ZNF727: variants seen among roughly 807,000 people sequenced by gnomAD.
ZNF727 encodes zinc finger protein 727.
Under a neutral mutation model 11.5 loss-of-function variants are expected in ZNF727, and 11 were observed. That is an observed-to-expected ratio of 0.95 (90% confidence interval 0.60 to 1.58). ZNF727 has a LOEUF of 1.58. Among genes scored for constraint, ZNF727 ranks in the 40% most tolerant of loss-of-function variants. The probability of loss-of-function intolerance (pLI) is 0.00; values close to 1 mark genes in which losing one functional copy is unlikely to be tolerated. For synonymous variants in ZNF727, 171 were observed against 196.1 expected, an observed-to-expected ratio of 0.87 and a Z score of 1.07; for missense variants, 533 against 581.7, an observed-to-expected ratio of 0.92 and a Z score of 0.86.
chr7:64,061,506 T>C (rs999492949), intron 1 of ZNF727, among the ~76,000 whole-genome samples: 3 of 151,956 alleles, frequency 2.0e-5, no homozygotes, highest in African/African-American at 4.8e-5. Flanking sequence ...GCTCTTTTTT[T>C]TGTTTCCATT....
At chr7:64,069,163 T>C (rs1212954625) in intron 2 of ZNF727, 146 bp downstream of exon 2, 8 of 855,338 alleles carry the variant, frequency 9.4e-6, no homozygotes, top group Non-Finnish European at 1.4e-5. Flanking sequence ...GTAGTAAATA[T>C]AATCTTTAAG....
intron 1 of ZNF727, among the ~76,000 whole-genome samples, chr7:64,067,436 A>G (rs1455807503): frequency 6.6e-6 from 1 of 152,206 alleles, no homozygotes; most frequent in Admixed American, 6.5e-5. Context: ...GCACATGCAC[A>G]TGTATGTTTA....
rs145155793 is a variant in ZNF727, at chr7:64,058,466, A to C, written c.4-10425A>C. ...GCTCCTAGAGTTTTCAGCCAAATAC[A>C]AGGGCCTAGAGGACTTTAGACTTAT... On this transcript the variant is annotated intron_variant, in intron 1 of 3. Transcript: ENST00000456806. Among the ~76,000 whole-genome samples, 663 of 152,242 alleles carry C rather than the reference A, an allele frequency of 4.4e-3. 4 individuals carry two copies. Among genetic ancestry groups the C allele is most frequent in the African/African-American group, 0.015 (630 of 41,528 alleles).
At chr7:64,075,824 G>A (rs559829601) in intron 3 of ZNF727, among the ~76,000 whole-genome samples, 12 of 152,148 alleles carry the variant, frequency 7.9e-5, no homozygotes, top group South Asian at 4.2e-4. Context: ...CCAAAACTTT[G>A]CAGTACATAA....
rs1355599397 is a variant in ZNF727, at chr7:64,079,803, T to C, written c.*1254T>C. Among the ~76,000 whole-genome samples, 1 of 152,188 alleles carries C rather than the reference T, an allele frequency of 6.6e-6. No homozygotes were observed. Among genetic ancestry groups the C allele is most frequent in the Non-Finnish European group, 1.5e-5 (1 of 68,032 alleles). Reference sequence around the variant, plus strand: ...GTTTTTGTAGTGACTGTTTATAGTCTTTTTCTTATTTAGGGCTTTCTTCAG... The same window carrying C: ...GTTTTTGTAGTGACTGTTTATAGTCCTTTTCTTATTTAGGGCTTTCTTCAG... On this transcript the variant is annotated 3_prime_UTR_variant, in exon 4 of 4. Coordinates refer to ENST00000456806, the MANE Select transcript of ZNF727 (RefSeq NM_001159522.3).
At position 64,077,726 on chromosome 7, in the gene ZNF727, A is replaced by C; in HGVS notation, c.677A>C (p.Lys226Thr). ...TEHNRVHTGK[K>T]PYKCEECGKT... ...CATAATAGAGTTCATACTGGAAAGA[A>C]ACCCTACAAATGTGAAGAATGTGGC... Residue 226 changes from lysine (K) to threonine (T), a missense_variant, in exon 4 of 4, where the codon AAA (lysine) becomes ACA (threonine). Physicochemically the swap from Lys to Thr is moderately conservative, Grantham distance 78 (BLOSUM62 -1). Transcript: ENST00000456806. 1.3e-6 allele frequency: 2 copies of C among 1,582,262 alleles called. No homozygotes were observed. The highest frequency in any genetic ancestry group is 1.7e-6 in the Non-Finnish European group (2 of 1,163,620).
At position 64,058,796 on chromosome 7, in the gene ZNF727, C is replaced by T. The variant is rs558777497; in HGVS notation, c.4-10095C>T. ...GCAGCAGTAACAAGGCAGCTGTAAC[C>T]TTTGTTTTTCTGTTTATGGATTATA... On this transcript the variant is annotated intron_variant, in intron 1 of 3. Coordinates refer to ENST00000456806, the MANE Select transcript of ZNF727 (RefSeq NM_001159522.3). Among the ~76,000 whole-genome samples, 14 of 152,276 alleles carry T rather than the reference C, an allele frequency of 9.2e-5. No individual in the cohort carries two copies. The South Asian group carries it at 2.7e-3, about 29-fold the overall frequency.
intron 3 of ZNF727, among the ~76,000 whole-genome samples, chr7:64,073,733 A>T (rs1365099884): frequency 6.6e-6 from 1 of 152,082 alleles, no homozygotes; most frequent in Non-Finnish European, 1.5e-5. Context: ...ACATGTTCTC[A>T]GTTGTCTTTG....
rs190192011 is a variant in ZNF727, at chr7:64,082,868, G to A, written c.*4319G>A. The stretch of plus-strand genomic sequence containing the variant: ...CTGCACTCCAGCCTGGTGAGAGAGC[G>A]AGACTCCGTCTCAAAAAAAAAAAAG... On this transcript the variant is annotated 3_prime_UTR_variant, in exon 4 of 4. Coordinates refer to ENST00000456806, the MANE Select transcript of ZNF727 (RefSeq NM_001159522.3). 9.8e-4 allele frequency among the ~76,000 whole-genome samples: 134 copies of A among 136,758 alleles called. No individual in the cohort carries two copies. The highest frequency in any genetic ancestry group is 3.2e-3 in the African/African-American group (119 of 37,274). The allele number at this position is 136,758 out of a possible 152,430, so 89.7% of individuals were successfully genotyped here. A position where few individuals can be genotyped will look rare whatever the true frequency, so the allele number is the denominator to read the frequency against.
chr7:64,081,920 A>G lies in ZNF727; in HGVS notation c.*3371A>G, dbSNP rs1785799802. Among the ~76,000 whole-genome samples, 1 of 151,970 alleles carries G rather than the reference A, an allele frequency of 6.6e-6. No individual in the cohort carries two copies. The highest frequency in any genetic ancestry group is 1.5e-5 in the Non-Finnish European group (1 of 67,992). ...TCTTTGCCTGTCTTCTGGTTGCTGC[A>G]TCTCAGAGACGTGTAGGCCAGCAAT... On this transcript the variant is annotated 3_prime_UTR_variant, in exon 4 of 4. Coordinates refer to ENST00000456806, the MANE Select transcript of ZNF727 (RefSeq NM_001159522.3).
chr7:64,049,026 CAG>C (rs1243118854), intron 1 of ZNF727, among the ~76,000 whole-genome samples: 2 of 152,048 alleles, frequency 1.3e-5, no homozygotes, highest in East Asian at 3.9e-4. Context: ...TTTAGTGGCA[CAG>C]GTATTGGCCA....
At chr7:64,047,686 C>T (rs1157005114) in intron 1 of ZNF727, among the ~76,000 whole-genome samples, 1 of 152,088 alleles carries the variant, frequency 6.6e-6, no homozygotes, top group African/African-American at 2.4e-5. Context: ...TGGATGCCCT[C>T]GTGCTGAGAG....
At chr7:64,052,221 G>C (rs182744089) in intron 1 of ZNF727, among the ~76,000 whole-genome samples, 21 of 152,236 alleles carry the variant, frequency 1.4e-4, no homozygotes, top group Non-Finnish European at 2.5e-4. Context: ...TTACCTTCCA[G>C]CTTAGCTAAA....
intron 1 of ZNF727, among the ~76,000 whole-genome samples, chr7:64,055,382 C>T (rs1789667025): frequency 6.6e-6 from 1 of 151,450 alleles, no homozygotes; most frequent in South Asian, 2.1e-4. Context: ...CACACCACTG[C>T]ACTCCAGCCT....
chr7:64,065,424 C>T (rs1204084733), intron 1 of ZNF727, among the ~76,000 whole-genome samples: 1 of 152,122 alleles, frequency 6.6e-6, no homozygotes, highest in East Asian at 1.9e-4. Context: ...CAAACCTCCC[C>T]TGTGATAAAA....
At position 64,077,403 on chromosome 7, in the gene ZNF727, A is replaced by C; in HGVS notation, c.354A>C (p.Gln118His). Residue 118 changes from glutamine to histidine, a missense_variant, in exon 4 of 4, where the codon CAA (glutamine) becomes CAC (histidine). Gln to His is a conservative substitution (Grantham distance 24). Around this residue, in one of 3 missense-constraint regions of ZNF727, gnomAD observed 463 missense variants for 494.5 expected, o/e 0.94. Coordinates refer to ENST00000456806, the MANE Select transcript of ZNF727 (RefSeq NM_001159522.3). ...LNTLRLKKDY[Q>H]RVGNCKGQKS... ...CTTTACGTTTAAAGAAAGACTACCA[A>C]CGTGTGGGTAATTGCAAGGGGCAGA... 1 of 1,551,934 alleles carries C rather than the reference A, an allele frequency of 6.4e-7. No individual in the cohort carries two copies. The highest frequency in any genetic ancestry group is 8.7e-7 in the Non-Finnish European group (1 of 1,147,014).
At chr7:64,055,645 G>C (rs1789673064) in intron 1 of ZNF727, among the ~76,000 whole-genome samples, 1 of 152,064 alleles carries the variant, frequency 6.6e-6, no homozygotes, top group African/African-American at 2.4e-5. Flanking sequence ...TTTGGAAATG[G>C]CTTGTTTTAG....
Position 64,084,190 on chromosome 7 carries a change from G to A in ZNF727, c.*5641G>A, listed in dbSNP as rs1426896174. Among the ~76,000 whole-genome samples, 1 of 152,116 alleles carries A rather than the reference G, an allele frequency of 6.6e-6. No homozygotes were observed. The highest frequency in any genetic ancestry group is 2.4e-5 in the African/African-American group (1 of 41,436). On this transcript the variant is annotated 3_prime_UTR_variant, in exon 4 of 4. Transcript: ENST00000456806. ...TTTACAACAGCATTATAAGTGACAG[G>A]GTGATAGAAGTGTGGTAAGTGATTA...
rs2116346973 is a variant in ZNF727 at position 64,085,225 on chromosome 7, T to G, written c.*6676T>G. 6.6e-6 allele frequency among the ~76,000 whole-genome samples: 1 copy of G among 152,302 alleles called. No homozygotes were observed. The highest frequency in any genetic ancestry group is 2.1e-4 in the South Asian group (1 of 4,828). ...ATTATTGTATGTTATTTAGTATATTTTACATTTTGTTTCAATTAGAGAATG... is the reference window on the plus strand; with the variant it reads ...ATTATTGTATGTTATTTAGTATATTGTACATTTTGTTTCAATTAGAGAATG... On this transcript the variant is annotated 3_prime_UTR_variant, in exon 4 of 4. Coordinates refer to ENST00000456806, the MANE Select transcript of ZNF727 (RefSeq NM_001159522.3).
Sources: allele counts gnomAD v4.1 joint callset (sites outside exome capture counted in the v4.1 genomes callset), GRCh38; gene constraint gnomAD v4.1.1; regional missense constraint gnomAD v4.1.1; transcripts MANE v1.5; gene names NCBI Gene and HGNC (gene_info 2026-07-23, HGNC 2026-07-21).